The following CAPZA1 variants were observed in gnomAD, a reference collection of about 807,000 sequenced individuals.
CAPZA1 encodes the protein capping actin protein of muscle Z-line subunit alpha 1.
Under a neutral mutation model 40.8 loss-of-function variants are expected in CAPZA1, and 10 were observed. That is an observed-to-expected ratio of 0.25 (90% confidence interval 0.15 to 0.42). The LOEUF (loss-of-function observed/expected upper bound fraction) is 0.42. CAPZA1 is among the 10% of genes least tolerant of loss of function. CAPZA1 has a pLI of 1.00. For synonymous variants in CAPZA1, 98 were observed against 115.0 expected, an observed-to-expected ratio of 0.85 and a Z score of 0.95; for missense variants, 277 against 353.8, an observed-to-expected ratio of 0.78 and a Z score of 1.74.
intron 4 of CAPZA1, among the ~76,000 whole-genome samples, chr1:112,653,988 T>G (rs1203933768): frequency 6.6e-6 from 1 of 152,202 alleles, no homozygotes; most frequent in Non-Finnish European, 1.5e-5. Context: ...CTCCTGAAAT[T>G]TAGACTACTT....
At chr1:112,668,532 TGCCCAGGCTG>T (rs2101194518) in intron 8 of CAPZA1, among the ~76,000 whole-genome samples, 1 of 152,290 alleles carries the variant, frequency 6.6e-6, no homozygotes, top group South Asian at 2.1e-4. Context: ...TCGCTCTTGT[TGCCCAGGCTG>T]GAGCACTGTC....
intron 1 of CAPZA1, among the ~76,000 whole-genome samples, chr1:112,625,529 C>G (rs1408943921): frequency 6.6e-6 from 1 of 152,214 alleles, no homozygotes; most frequent in Non-Finnish European, 1.5e-5. Flanking sequence ...TGACAGTATT[C>G]TTTCCAACTG....
intron 7 of CAPZA1, among the ~76,000 whole-genome samples, chr1:112,662,133 G>C (rs1435978992): frequency 6.6e-6 from 1 of 152,096 alleles, no homozygotes; most frequent in Non-Finnish European, 1.5e-5. Context: ...TTGAAACGGT[G>C]TATCTCAACT....
In CAPZA1 at chr1:112,653,546, T is replaced by A; in HGVS notation, c.156-52T>A. On this transcript the variant is annotated intron_variant, in intron 3 of 9. Transcript: ENST00000263168. ...TGTGTTTATTTACACATAATTCTTT[T>A]CTCTCTCCCTCTTTTTTTTTTTTTT... The A allele has an allele frequency of 1.7e-6, 2 of 1,195,584 alleles. 1 individual carries two copies. The highest frequency in any genetic ancestry group is 2.4e-6 in the Non-Finnish European group (2 of 832,178). The allele number at this position is 1,195,584 out of a possible 1,614,324, so 74.1% of individuals were successfully genotyped here.
chr1:112,666,879 A>G (rs1314410843), intron 7 of CAPZA1, 195 bp from the exon 8 acceptor site: 6 of 531,578 alleles, frequency 1.1e-5, no homozygotes, highest in Middle Eastern at 3.2e-4. Flanking sequence ...CTAAGGAAAA[A>G]GCGTTCTTAA....
intron 1 of CAPZA1, among the ~76,000 whole-genome samples, chr1:112,622,320 A>T (rs1670693258): frequency 6.6e-6 from 1 of 152,150 alleles, no homozygotes; most frequent in Non-Finnish European, 1.5e-5. Flanking sequence ...TGTTACCTGA[A>T]ATGGTCATGA....
intron 1 of CAPZA1, among the ~76,000 whole-genome samples, chr1:112,627,635 TCAAA>T (rs1237416273): frequency 3.6e-5 from 1 of 27,508 alleles, no homozygotes; most frequent in African/African-American, 1.7e-4. Flanking sequence ...AGACTCTGTC[TCAAA>T]AAAAAAAAAA....
intron 1 of CAPZA1, among the ~76,000 whole-genome samples, chr1:112,623,428 C>T (rs1253275214): frequency 1.3e-5 from 2 of 152,156 alleles, no homozygotes; most frequent in South Asian, 2.1e-4. Flanking sequence ...CGCCTGTGAC[C>T]CCAACACTCT....
At chr1:112,645,730 C>G (rs1671266017) in intron 1 of CAPZA1, among the ~76,000 whole-genome samples, 1 of 113,936 alleles carries the variant, frequency 8.8e-6, no homozygotes, top group Admixed American at 8.9e-5. Context: ...TACATACTTG[C>G]CAGTGCAAAA....
intron 2 of CAPZA1, among the ~76,000 whole-genome samples, chr1:112,649,169 T>C (rs988994759): frequency 2.0e-5 from 3 of 152,234 alleles, no homozygotes; most frequent in Non-Finnish European, 4.4e-5. Flanking sequence ...TAACACTCTT[T>C]AACTGTAGCT....
At chr1:112,633,375 C>A (rs79212089) in intron 1 of CAPZA1, among the ~76,000 whole-genome samples, 1 of 152,128 alleles carries the variant, frequency 6.6e-6, no homozygotes, top group Non-Finnish European at 1.5e-5. Flanking sequence ...TTTCACTTAG[C>A]ATATATCTTT....
intron 7 of CAPZA1, 70 bp downstream of exon 7, chr1:112,659,849 T>TA: frequency 8.5e-7 from 1 of 1,177,422 alleles, no homozygotes; most frequent in Non-Finnish European, 1.2e-6. Flanking sequence ...GCTTTGGTAT[T>TA]AAATAAGGAC....
intron 7 of CAPZA1, 193 bp from the exon 8 acceptor site, chr1:112,666,881 C>G: frequency 1.9e-6 from 1 of 528,480 alleles, no homozygotes; most frequent in Non-Finnish European, 3.4e-6. Context: ...AAGGAAAAAG[C>G]GTTCTTAAAC....
chr1:112,643,028 G>C (rs535655605), intron 1 of CAPZA1, among the ~76,000 whole-genome samples: 2 of 152,022 alleles, frequency 1.3e-5, no homozygotes, highest in African/African-American at 4.8e-5. Flanking sequence ...TAAAGATTAC[G>C]GGAAATGCAC....
In CAPZA1 at chr1:112,668,670, G is replaced by C. The variant is rs191345118; in HGVS notation, c.658-873G>C. 3.9e-5 allele frequency among the ~76,000 whole-genome samples: 6 copies of C among 152,156 alleles called. No individual in the cohort carries two copies. In the East Asian group the frequency reaches 1.2e-3, roughly 29 times the overall value. On this transcript the variant is annotated intron_variant, in intron 8 of 9. Coordinates refer to ENST00000263168, the MANE Select transcript of CAPZA1 (RefSeq NM_006135.3). Reference sequence around the variant, plus strand: ...CCAGCTAATTTTTGTATTTTTAGTAGAGACAGGGTTTCACCATGTTGACCA... The same window carrying C: ...CCAGCTAATTTTTGTATTTTTAGTACAGACAGGGTTTCACCATGTTGACCA...
intron 1 of CAPZA1, among the ~76,000 whole-genome samples, chr1:112,640,128 G>A (rs1397148988): frequency 6.5e-5 from 8 of 123,506 alleles, no homozygotes; most frequent in African/African-American, 1.3e-4. Flanking sequence ...CGCCCCGTCC[G>A]GGAGGGAGGT....
intron 1 of CAPZA1, chr1:112,626,104 G>C (rs1464711496): frequency 6.6e-6 from 1 of 152,260 alleles, no homozygotes. Context: ...TGGTGGAGTG[G>C]ACCTTCTCAT....
At chr1:112,630,564 T>G (rs760606279) in intron 1 of CAPZA1, among the ~76,000 whole-genome samples, 6 of 152,090 alleles carry the variant, frequency 3.9e-5, no homozygotes, top group Admixed American at 6.5e-5. Context: ...AGACTGATCT[T>G]GAACTCCTGA....
intron 1 of CAPZA1, chr1:112,646,729 G>C (rs1671287890): frequency 6.7e-6 from 1 of 149,986 alleles, no homozygotes; most frequent in Admixed American, 6.6e-5. Flanking sequence ...TATTGGAGTA[G>C]GTGTTAATTT....
Sources: gnomAD v4.1 joint callset for allele counts (sites outside exome capture counted in the v4.1 genomes callset) on GRCh38, gnomAD v4.1.1 for gene constraint, MANE v1.5 for transcripts, NCBI Gene and HGNC (gene_info 2026-07-23, HGNC 2026-07-21) for gene names.